GRHL1: variants seen among roughly 807,000 people sequenced by gnomAD.
The protein encoded by GRHL1 is grainyhead-like protein 1 homolog.
GRHL1 carries 38 observed loss-of-function variants against 75.7 expected under a neutral mutation model. The ratio of observed to expected loss-of-function variants is 0.50; its 90% CI spans 0.39 to 0.66. The LOEUF (loss-of-function observed/expected upper bound fraction) is 0.66, where lower values mean the gene tolerates loss of function less well. GRHL1 is among the 30% of genes least tolerant of loss of function. The probability of loss-of-function intolerance (pLI) is 0.00; values close to 1 mark genes in which losing one functional copy is unlikely to be tolerated. For synonymous variants in GRHL1, 266 were observed against 279.4 expected, an observed-to-expected ratio of 0.95 and a Z score of 0.48; for missense variants, 589 against 767.5, an observed-to-expected ratio of 0.77 and a Z score of 2.75.
At chr2:9,977,352 G>T (rs959953396) in intron 8 of GRHL1, among the ~76,000 whole-genome samples, 1 of 151,984 alleles carries the variant, frequency 6.6e-6, no homozygotes, top group Non-Finnish European at 1.5e-5. Flanking sequence ...ACGAAGTCTT[G>T]CTCTGTCACT....
At chr2:9,972,441 C>T (rs932731851) in intron 8 of GRHL1, among the ~76,000 whole-genome samples, 3 of 152,008 alleles carry the variant, frequency 2.0e-5, no homozygotes, top group Admixed American at 1.3e-4. Context: ...TGAACTTACC[C>T]AGCATAGCAA....
chr2:9,958,881 A>G, intron 3 of GRHL1, 25 bp downstream of exon 3: 2 of 1,612,454 alleles, frequency 1.2e-6, no homozygotes, highest in East Asian at 2.2e-5. Context: ...CTAACAGCAT[A>G]AAGAGTGCAG....
chr2:9,980,346 A>G (rs1668145715), intron 8 of GRHL1, among the ~76,000 whole-genome samples: 1 of 151,710 alleles, frequency 6.6e-6, no homozygotes. Context: ...AAAAGTCTGT[A>G]TCAGTTAATC....
chr2:9,982,263 A>G (rs951471848), intron 8 of GRHL1, among the ~76,000 whole-genome samples: 1 of 152,236 alleles, frequency 6.6e-6, no homozygotes, highest in Non-Finnish European at 1.5e-5. Flanking sequence ...ACTTGCTTTA[A>G]TAATCTCAGA....
In GRHL1 at chr2:9,957,029, G is replaced by A. The variant is rs1280075349; in HGVS notation, c.208-1757G>A. Among the ~76,000 whole-genome samples the A allele has an allele frequency of 2.0e-5, 3 of 147,722 alleles. 1 individual carries two copies. Among genetic ancestry groups the A allele is most frequent in the African/African-American group, 7.6e-5 (3 of 39,610 alleles). On this transcript the variant is annotated intron_variant, in intron 2 of 15. Coordinates refer to ENST00000324907, the MANE Select transcript of GRHL1 (RefSeq NM_198182.3). ...TTTTTTTTTTTTTAATAGAAGCAGA[G>A]TCTCGCTCTTGCCCACGCTGAAGTG...
rs189943406 is a variant in GRHL1 at position 9,998,677 on chromosome 2, T to C, written c.1678-288T>C. 3.8e-3 allele frequency among the ~76,000 whole-genome samples: 269 copies of C among 71,296 alleles called. 59 individuals carry two copies. The East Asian group carries it at 0.063, about 17-fold the overall frequency. 46.8% of individuals were successfully genotyped at this position (71,296 alleles called of 152,430 possible). A position where few individuals can be genotyped will look rare whatever the true frequency, so the allele number is the denominator to read the frequency against. On this transcript the variant is annotated intron_variant, in intron 14 of 15. Coordinates refer to ENST00000324907, the MANE Select transcript of GRHL1 (RefSeq NM_198182.3). ...ATATACATATATATGTACACATATA[T>C]ATACATATATATGTACACACATATA...
At chr2:9,975,350 A>G (rs1286139925) in intron 8 of GRHL1, among the ~76,000 whole-genome samples, 2 of 152,220 alleles carry the variant, frequency 1.3e-5, no homozygotes, top group East Asian at 3.8e-4. Context: ...CACAATAGAA[A>G]ACCAGGTCAT....
chr2:9,971,563 A>G (rs554440654), intron 8 of GRHL1, among the ~76,000 whole-genome samples: 1 of 152,382 alleles, frequency 6.6e-6, no homozygotes, highest in Admixed American at 6.5e-5. Flanking sequence ...AACTCAAGGT[A>G]TAGCTGTGGA....
intron 3 of GRHL1, chr2:9,960,462 A>T (rs544300666): frequency 6.6e-6 from 1 of 152,248 alleles, no homozygotes; most frequent in Non-Finnish European, 1.5e-5. Flanking sequence ...AATTAAAAAA[A>T]AAAAAAGGAG....
intron 8 of GRHL1, among the ~76,000 whole-genome samples, chr2:9,978,351 G>A (rs886561981): frequency 6.6e-5 from 10 of 152,220 alleles, no homozygotes; most frequent in Admixed American, 2.6e-4. Flanking sequence ...GGGTGTATCC[G>A]TTGGTGCTGG....
chr2:9,990,726 C>T lies in GRHL1; in HGVS notation c.1300C>T (p.Arg434Ter). Residue 434 changes from arginine (R) to a stop codon, truncating the protein, a stop_gained, in exon 10 of 16, where the codon CGA becomes TGA. Transcript: ENST00000324907. LOFTEE classifies it high-confidence loss of function. This position sits in a 1 kb window ranked among gnomAD's most constrained non-coding sequence, Gnocchi z 4.2. ...TGAGCGGAAAATCAGGGATGAAGAA[C>T]GAAAGCAAAGCAAAAGAAAAGGCAA... ...GAERKIRDEE[R>*]KQSKRKVSDV... is the part of the protein sequence containing the mutation. The T allele has an allele frequency of 1.9e-6, 3 of 1,611,224 alleles. No individual in the cohort carries two copies. The highest frequency in any genetic ancestry group is 1.7e-6 in the Non-Finnish European group (2 of 1,178,074).
At chr2:9,964,642 G>A in intron 7 of GRHL1, 1 of 269,480 alleles carries the variant, frequency 3.7e-6, no homozygotes, top group Non-Finnish European at 7.0e-6. Flanking sequence ...ATTGCTTTAA[G>A]GGGTAATATC....
At chr2:9,972,050 T>G (rs1167089578) in intron 8 of GRHL1, among the ~76,000 whole-genome samples, 1 of 152,124 alleles carries the variant, frequency 6.6e-6, no homozygotes, top group African/African-American at 2.4e-5. Context: ...AAGGGCCAAG[T>G]GGAAGCTGTC....
intron 14 of GRHL1, among the ~76,000 whole-genome samples, chr2:9,998,448 G>GTGTGTGTGTGTGTGTGT (rs1553306800): frequency 4.2e-5 from 3 of 71,160 alleles, no homozygotes; most frequent in Non-Finnish European, 7.9e-5. Context: ...GTGTGTGTGT[G>GTGTGTGTGTGTGTGTGT]TATATATATA....
intron 10 of GRHL1, among the ~76,000 whole-genome samples, chr2:9,991,314 G>C (rs754221419): frequency 1.3e-5 from 2 of 152,008 alleles, no homozygotes; most frequent in Non-Finnish European, 2.9e-5. Context: ...GTGCCTGTAG[G>C]GTTCCATCTG....
chr2:9,967,858 G>A (rs1667554460), intron 8 of GRHL1, among the ~76,000 whole-genome samples: 1 of 151,870 alleles, frequency 6.6e-6, no homozygotes, highest in Non-Finnish European at 1.5e-5. Flanking sequence ...TTCTCATTTA[G>A]GATGCATTTG....
intron 1 of GRHL1, among the ~76,000 whole-genome samples, chr2:9,952,439 T>TA (rs1666831562): frequency 6.6e-6 from 1 of 152,238 alleles, no homozygotes; most frequent in Non-Finnish European, 1.5e-5. Flanking sequence ...CTGTAGGAGT[T>TA]ATTTTGCCAC....
At chr2:9,976,243 G>A (rs893160527) in intron 8 of GRHL1, among the ~76,000 whole-genome samples, 7 of 152,170 alleles carry the variant, frequency 4.6e-5, no homozygotes, top group Admixed American at 1.3e-4. Flanking sequence ...CAGGTGACAC[G>A]AAGGAAGGGA....
At chr2:9,984,127 A>C (rs1267077076) in intron 8 of GRHL1, among the ~76,000 whole-genome samples, 2 of 151,678 alleles carry the variant, frequency 1.3e-5, no homozygotes, top group African/African-American at 2.4e-5. Context: ...GCGCCATTGC[A>C]CTCCAGCCTG....
Sources: allele counts gnomAD v4.1 joint callset (sites outside exome capture counted in the v4.1 genomes callset), GRCh38; gene constraint gnomAD v4.1.1; non-coding constraint Gnocchi (gnomAD v3.1); transcripts MANE v1.5; gene names NCBI Gene and HGNC (gene_info 2026-07-23, HGNC 2026-07-21).